Variants in BBS9 observed in about 807,000 individuals in gnomAD.
The protein encoded by BBS9 is protein PTHB1.
Under a neutral mutation model 117.7 loss-of-function variants are expected in BBS9, and 89 were observed. The observed-to-expected ratio is 0.76, with a 90% confidence interval of 0.64 to 0.90. The LOEUF is 0.90. BBS9 is among the 40% of genes least tolerant of loss of function. BBS9 has a pLI of 0.00. For missense variants in BBS9, 982 were observed against 1,042.2 expected, an observed-to-expected ratio of 0.94 and a Z score of 0.80; for synonymous variants, 379 against 370.9, an observed-to-expected ratio of 1.02 and a Z score of -0.25.
rs550464805 is a variant in BBS9, at chr7:33,238,979, T to C, written c.443-18257T>C. Among the ~76,000 whole-genome samples, 85 of 152,318 alleles carry C rather than the reference T, an allele frequency of 5.6e-4. 1 individual carries two copies. The South Asian group carries it at 6.2e-3, about 11-fold the overall frequency. Reference sequence around the variant, plus strand: ...ATTTGAATCTCCATGAGTGTTCATTTCTGATATTTCTTTAGAATCAAATCC... The same window carrying C: ...ATTTGAATCTCCATGAGTGTTCATTCCTGATATTTCTTTAGAATCAAATCC... On this transcript the variant is annotated intron_variant, in intron 5 of 22. Transcript: ENST00000242067.
chr7:33,374,285 A>G (rs1323759856), intron 17 of BBS9, among the ~76,000 whole-genome samples: 4 of 152,122 alleles, frequency 2.6e-5, no homozygotes, highest in African/African-American at 4.8e-5. Context: ...TCAAAGGATT[A>G]GTGAATTTTC....
chr7:33,396,076 A>AAAAAC (rs372022267), intron 19 of BBS9, among the ~76,000 whole-genome samples: 254 of 152,278 alleles, frequency 1.7e-3, no homozygotes, highest in South Asian at 5.0e-3. Context: ...GGTGGTAAGT[A>AAAAAC]AAAACAAAAC....
intron 5 of BBS9, among the ~76,000 whole-genome samples, chr7:33,184,524 C>T (rs1798549955): frequency 6.6e-6 from 1 of 152,124 alleles, no homozygotes; most frequent in Non-Finnish European, 1.5e-5. Context: ...GGTCTCGAAC[C>T]CAAATTTGTC....
rs1374302540 is a variant in BBS9, at chr7:33,337,787, C to T, written c.1198+1165C>T. ...TTTTGGGAATAATAGAATTATAAGT[C>T]TTGTTTTGTCATTTAAAAATATAAT... On this transcript the variant is annotated intron_variant, in intron 10 of 22. Coordinates refer to ENST00000242067, the MANE Select transcript of BBS9 (RefSeq NM_198428.3). Among the ~76,000 whole-genome samples, 3 of 151,938 alleles carry T rather than the reference C, an allele frequency of 2.0e-5. No individual in the cohort carries two copies. The East Asian group carries it at 5.8e-4, about 29-fold the overall frequency.
downstream of BBS9, among the ~76,000 whole-genome samples, chr7:33,608,701 G>A (rs1037477510): frequency 1.3e-5 from 2 of 151,924 alleles, no homozygotes; most frequent in Admixed American, 6.6e-5. Context: ...TTTTAAATGG[G>A]ATTATTTGTT....
chr7:33,440,255 C>T (rs547336868), intron 19 of BBS9, among the ~76,000 whole-genome samples: 6 of 152,174 alleles, frequency 3.9e-5, no homozygotes, highest in Admixed American at 1.3e-4. Flanking sequence ...TATAACGTAC[C>T]ATACAAATTT....
chr7:33,423,686 T>C (rs1833217478), intron 19 of BBS9, among the ~76,000 whole-genome samples: 1 of 152,192 alleles, frequency 6.6e-6, no homozygotes, highest in Non-Finnish European at 1.5e-5. Context: ...AGAATGAGCA[T>C]ACCAGGACAT....
chr7:33,344,741 A>G (rs1173229994), intron 12 of BBS9, 107 bp downstream of exon 12: 1 of 1,187,226 alleles, frequency 8.4e-7, no homozygotes, highest in Non-Finnish European at 1.3e-6. Context: ...TAAAATAAAC[A>G]CTTGGCATTT....
At chr7:33,557,494 C>G (rs545105230) in intron 21 of BBS9, among the ~76,000 whole-genome samples, 12 of 151,980 alleles carry the variant, frequency 7.9e-5, no homozygotes, top group African/African-American at 2.7e-4. Flanking sequence ...AAATATATTT[C>G]AATAACTGAC....
intron 21 of BBS9, among the ~76,000 whole-genome samples, chr7:33,596,782 T>A (rs1862887185): frequency 6.6e-6 from 1 of 152,140 alleles, no homozygotes; most frequent in Non-Finnish European, 1.5e-5. Context: ...TATGTTATGA[T>A]CCATTCTCTC....
At chr7:33,469,275 A>G (rs1432496734) in intron 19 of BBS9, among the ~76,000 whole-genome samples, 1 of 152,218 alleles carries the variant, frequency 6.6e-6, no homozygotes, top group Non-Finnish European at 1.5e-5. Flanking sequence ...CTGGGATGCC[A>G]TAAATTGTAG....
intron 9 of BBS9, among the ~76,000 whole-genome samples, chr7:33,311,886 G>A (rs908058343): frequency 6.6e-6 from 1 of 151,200 alleles, no homozygotes. Flanking sequence ...TTTTCTGACT[G>A]ACATTCCTCT....
chr7:33,617,780 G>A (rs937228209), intron 21 of BBS9, among the ~76,000 whole-genome samples: 1 of 152,180 alleles, frequency 6.6e-6, no homozygotes, highest in African/African-American at 2.4e-5. Context: ...GCTCCAATTG[G>A]AGACTCAATT....
intron 4 of BBS9, among the ~76,000 whole-genome samples, chr7:33,162,684 A>C (rs927053611): frequency 3.3e-5 from 5 of 152,028 alleles, no homozygotes. Context: ...GATTTTGTAT[A>C]CTGAGACTTT....
intron 19 of BBS9, among the ~76,000 whole-genome samples, chr7:33,397,509 C>T (rs1315622686): frequency 1.3e-5 from 2 of 152,094 alleles, no homozygotes; most frequent in Non-Finnish European, 2.9e-5. Context: ...TATAAAAATA[C>T]ATGTATGCAT....
chr7:33,289,836 G>C (rs953576997), intron 9 of BBS9, among the ~76,000 whole-genome samples: 7 of 152,120 alleles, frequency 4.6e-5, no homozygotes, highest in Non-Finnish European at 1.5e-5. Context: ...TAGGTCAAGA[G>C]ATCAGGACCA....
chr7:33,216,088 A>G (rs970646017), intron 5 of BBS9, among the ~76,000 whole-genome samples: 1 of 152,184 alleles, frequency 6.6e-6, no homozygotes, highest in African/African-American at 2.4e-5. Context: ...GGCTTTGTTT[A>G]ATGACCTTGA....
intron 19 of BBS9, among the ~76,000 whole-genome samples, chr7:33,431,006 T>C (rs1186963441): frequency 1.4e-5 from 2 of 148,096 alleles, no homozygotes; most frequent in Non-Finnish European, 3.0e-5. Context: ...CTGGGCAGCA[T>C]GGTGAAACCC....
intron 19 of BBS9, among the ~76,000 whole-genome samples, chr7:33,478,079 C>T (rs1424912525): frequency 6.6e-6 from 1 of 152,020 alleles, no homozygotes; most frequent in African/African-American, 2.4e-5. Context: ...TTTTTCTTGA[C>T]TCTGCTAGAA....
Sources: allele counts gnomAD v4.1 joint callset (sites outside exome capture counted in the v4.1 genomes callset), GRCh38; gene constraint gnomAD v4.1.1; transcripts MANE v1.5; gene names NCBI Gene and HGNC (gene_info 2026-07-23, HGNC 2026-07-21).